MYH4: variants seen among roughly 807,000 people sequenced by gnomAD.
MYH4 encodes myosin heavy chain 4.
A neutral mutation model predicts 229.9 loss-of-function variants in MYH4; 200 were observed. The observed-to-expected ratio is 0.87, with a 90% CI of 0.78 to 0.98. MYH4 has a LOEUF of 0.98. Ranked by LOEUF, MYH4 falls within the 50% of genes least tolerant of loss-of-function variation. The pLI, the probability that MYH4 is intolerant of heterozygous loss-of-function variation, is 0.00. For synonymous variants in MYH4, 761 were observed against 834.6 expected (o/e 0.91, Z 1.52); for missense variants, 2,148 against 2,332.6 (o/e 0.92, Z 1.63).
At position 10,454,631 on chromosome 17, in the gene MYH4, G is replaced by T. The variant is rs371955336; in HGVS notation, c.2615C>A (p.Ala872Glu). 14 of 1,613,564 alleles carry T rather than the reference G, an allele frequency of 8.7e-6. No individual in the cohort carries two copies. The highest frequency in any genetic ancestry group is 6.7e-5 in the East Asian group (3 of 44,886). ...KTKEELAKTE[A>E]KRKELEEKMV... ...CTTTTCTTCTAGTTCTTTCCTTTTT[G>T]CCTCTGTCTTAGCCAGCTCTTCTTT... The change falls in exon 22 of 40, where the codon GCA becomes GAA. Residue 872 changes from alanine to glutamate, a missense_variant. By Grantham distance (107) the Ala-to-Glu change is moderately radical. Coordinates refer to ENST00000255381, the MANE Select transcript of MYH4 (RefSeq NM_017533.2).
chr17:10,450,993 GA>G, intron 28 of MYH4, 98 bp from the exon 29 acceptor site: 2 of 1,052,786 alleles, frequency 1.9e-6, no homozygotes, highest in Non-Finnish European at 2.8e-6. Context: ...TTCATATGAT[GA>G]AAAAACCCCT....
rs1312084421 is a variant in MYH4 at position 10,454,781 on chromosome 17, A to T, written c.2465T>A (p.Ile822Asn). ...RESIFCIQYN[I>N]RAFMNVKHWP... ...GTGCTTCACATTCATGAAAGCACGG[A>T]TGTTGTACTGAATGCAGAAGATGGA... Residue 822 changes from isoleucine to asparagine, a missense_variant, in exon 22 of 40, where the codon ATC becomes AAC. Coordinates refer to ENST00000255381, the MANE Select transcript of MYH4 (RefSeq NM_017533.2). The T allele has an allele frequency of 3.7e-6, 6 of 1,614,204 alleles. No homozygotes were observed. Among genetic ancestry groups the T allele is most frequent in the Non-Finnish European group, 5.1e-6 (6 of 1,180,028 alleles).
In MYH4 at chr17:10,447,218, T is replaced by C. The variant is rs548261694; in HGVS notation, c.4966-2A>G. The stretch of plus-strand genomic sequence containing the variant: ...ATCATCCAAATGTAGCTGAGTGTCC[T>C]ACACAGAAAGAGAAAAAGCCTCTTA... On this transcript the variant is annotated splice_acceptor_variant, in intron 34 of 39. Coordinates refer to ENST00000255381, the MANE Select transcript of MYH4 (RefSeq NM_017533.2). LOFTEE classifies it high-confidence loss of function. The C allele has an allele frequency of 1.2e-5, 20 of 1,613,728 alleles. No individual in the cohort carries two copies. Among genetic ancestry groups the C allele is most frequent in the Middle Eastern group, 1.7e-4 (1 of 6,056 alleles).
chr17:10,461,692 GA>G (rs146605747), intron 11 of MYH4, among the ~76,000 whole-genome samples: 2,432 of 152,178 alleles, frequency 0.016, 82 homozygotes, highest in African/African-American at 0.056. Context: ...AGACATTTAT[GA>G]AAAGAAGGAA....
chr17:10,461,381 C>CT (rs749649197), intron 11 of MYH4, among the ~76,000 whole-genome samples: 23 of 152,186 alleles, frequency 1.5e-4, no homozygotes, highest in Non-Finnish European at 2.5e-4. Context: ...CCCAGCCCCC[C>CT]TTTGCTTCTC....
chr17:10,444,547 C>G, intron 39 of MYH4, 57 bp downstream of exon 39: 1 of 1,357,618 alleles, frequency 7.4e-7, no homozygotes, highest in East Asian at 2.3e-5. Flanking sequence ...AAACTTTAGG[C>G]CCCAAAAAAC....
chr17:10,455,879 G>C lies in MYH4; in HGVS notation c.1991C>G (p.Thr664Ser). The C allele has an allele frequency of 6.2e-7, 1 of 1,614,174 alleles. No individual in the cohort carries two copies. The highest frequency in any genetic ancestry group is 8.5e-7 in the Non-Finnish European group (1 of 1,180,020). Residue 664 changes from threonine (T) to serine (S), a missense_variant, in exon 18 of 40, where the codon ACC becomes AGC. Thr to Ser is a moderately conservative substitution (Grantham distance 58). Coordinates refer to ENST00000255381, the MANE Select transcript of MYH4 (RefSeq NM_017533.2). The stretch of plus-strand genomic sequence containing the variant: ...GTGGGGGTGAGTGCTCCTCAAGTTG[G>C]TCATCAGCTTATTCAAATTCTCCTG... Reference protein sequence around the residue: ...LFRENLNKLMTNLRSTHPHFV... With the variant: ...LFRENLNKLMSNLRSTHPHFV...
intron 4 of MYH4, among the ~76,000 whole-genome samples, 172 bp from the exon 5 acceptor site, chr17:10,465,770 CT>C (rs957442606): frequency 0.013 from 1,321 of 97,960 alleles, 5 homozygotes; most frequent in African/African-American, 0.034. Flanking sequence ...TTCAGTTTTT[CT>C]TTTTTTTTTT....
intron 17 of MYH4, 108 bp from the exon 18 acceptor site, chr17:10,456,009 AAAAC>A: frequency 7.4e-7 from 1 of 1,346,246 alleles, no homozygotes; most frequent in East Asian, 2.3e-5. Context: ...GTCTCAAGGA[AAAAC>A]AAATTATCAT....
rs187295127 is a variant in MYH4, at chr17:10,445,274, C to A, written c.5258G>T (p.Arg1753Leu). 350 of 1,614,176 alleles carry A rather than the reference C, an allele frequency of 2.2e-4. No homozygotes were observed. The highest frequency in any genetic ancestry group is 2.8e-4 in the Non-Finnish European group (333 of 1,180,032). Reference protein sequence around the residue: ...GEMEDIVQEARNAEEKAKKAI... With the variant: ...GEMEDIVQEALNAEEKAKKAI... ...CTTCTTGGCCTTCTCCTCTGCATTG[C>A]GGGCTTCCTGGACGATGTCCTCCAT... The change falls in exon 36 of 40, where the codon CGC (arginine) becomes CTC (leucine). Residue 1753 changes from arginine (R) to leucine (L), a missense_variant. Arg to Leu is a moderately radical substitution (Grantham distance 102, BLOSUM62 -2). Coordinates refer to ENST00000255381, the MANE Select transcript of MYH4 (RefSeq NM_017533.2).
In MYH4 at chr17:10,448,716, G is replaced by A. The variant is rs768165008; in HGVS notation, c.4433C>T (p.Ser1478Leu). 9.9e-6 allele frequency: 16 copies of A among 1,613,986 alleles called. No individual in the cohort carries two copies. Among genetic ancestry groups the A allele is most frequent in the East Asian group, 2.2e-5 (1 of 44,900 alleles). Reference sequence around the variant, plus strand: ...GAACAGCTCAGTGCTGAGAGAACGCGACTCCTTCTGGGAGGCCTCAAGTTC... The same window carrying A: ...GAACAGCTCAGTGCTGAGAGAACGCAACTCCTTCTGGGAGGCCTCAAGTTC... ...QAELEASQKE[S>L]RSLSTELFKV... is the part of the protein sequence containing the mutation. The change falls in exon 32 of 40, where the codon TCG becomes TTG. Residue 1478 changes from serine to leucine, a missense_variant. Physicochemically the swap from Ser to Leu is moderately radical, Grantham distance 145. Transcript: ENST00000255381.
rs771066883 is a variant in MYH4, at chr17:10,466,313, A to G, written c.308T>C (p.Leu103Pro). 1 of 1,614,084 alleles carries G rather than the reference A, an allele frequency of 6.2e-7. No homozygotes were observed. Among genetic ancestry groups the G allele is most frequent in the African/African-American group, 1.3e-5 (1 of 74,936 alleles). The change falls in exon 4 of 40, where the codon CTG becomes CCG. Residue 103 changes from leucine to proline, a missense_variant. Leu to Pro is a moderately conservative substitution (Grantham distance 98, BLOSUM62 -3). Transcript: ENST00000255381. ...TGCGTAACGCTCTTTGAGGTTATACAGCACAGCAGGCTCATGCAGGTGAGT... is the reference window on the plus strand; with the variant it reads ...TGCGTAACGCTCTTTGAGGTTATACGGCACAGCAGGCTCATGCAGGTGAGT... ...MMTHLHEPAV[L>P]YNLKERYAAW...
At chr17:10,452,642 AT>A (rs1440896409) in intron 25 of MYH4, 136 bp from the exon 26 acceptor site, 1 of 1,209,360 alleles carries the variant, frequency 8.3e-7, no homozygotes, top group Non-Finnish European at 1.1e-6. Context: ...TAATAATTGT[AT>A]TAGTTTAATT....
Position 10,448,002 on chromosome 17 carries a change from T to G in MYH4, c.4781A>C (p.His1594Pro). Reference sequence around the variant, plus strand: ...CTGCATTGACTCCACAACTCTGAGATGGTTCCTCTTTAGCTGATCGAGTTC... The same window carrying G: ...CTGCATTGACTCCACAACTCTGAGAGGGTTCCTCTTTAGCTGATCGAGTTC... ...DEELDQLKRN[H>P]LRVVESMQST... Residue 1594 changes from histidine (H) to proline (P), a missense_variant, in exon 34 of 40, where the codon CAT (histidine) becomes CCT (proline). His to Pro is a moderately conservative substitution (Grantham distance 77). Transcript: ENST00000255381. 1 of 1,614,114 alleles carries G rather than the reference T, an allele frequency of 6.2e-7. No individual in the cohort carries two copies. The highest frequency in any genetic ancestry group is 1.1e-5 in the South Asian group (1 of 91,090).
In MYH4 at chr17:10,463,550, C is replaced by G; in HGVS notation, c.741+1G>C. On this transcript the variant is annotated splice_donor_variant, in intron 8 of 39. Coordinates refer to ENST00000255381, the MANE Select transcript of MYH4 (RefSeq NM_017533.2). LOFTEE classifies it high-confidence loss of function. ...AAGAAAATGAAGATCAAGAGACTTA[C>G]AAAGCGAGAGGAGTTGTCATTCCTC... 5 of 1,610,948 alleles carry G rather than the reference C, an allele frequency of 3.1e-6. No individual in the cohort carries two copies. The highest frequency in any genetic ancestry group is 4.2e-6 in the Non-Finnish European group (5 of 1,177,154).
Position 10,448,410 on chromosome 17 carries a change from G to A in MYH4, c.4642C>T (p.Leu1548=). ...DHEKSELQTS[L]EEAEASLEHE... ...GAAAAATGTACCTCTGCTTCCTCTA[G>A]GGAAGTCTGTAGTTCACTCTTCTCA... The change falls in exon 33 of 40, where the codon CTA becomes TTA. Residue 1548 remains leucine (L), a synonymous_variant. Transcript: ENST00000255381. The A allele has an allele frequency of 6.2e-7, 1 of 1,612,766 alleles. No homozygotes were observed. Among genetic ancestry groups the A allele is most frequent in the Non-Finnish European group, 8.5e-7 (1 of 1,179,660 alleles).
chr17:10,449,033 TG>T lies in MYH4; in HGVS notation c.4195del (p.Gln1399SerfsTer10), dbSNP rs771636574. 1 of 1,614,046 alleles carries T rather than the reference TG, an allele frequency of 6.2e-7. No individual in the cohort carries two copies. On this transcript the variant is annotated frameshift_variant, in exon 31 of 40. Transcript: ENST00000255381. LOFTEE classifies it high-confidence loss of function. ...ELEEAKKKLA[Q>X]RLQDAEEHVE... ...ATGTTCTTCTGCATCCTGCAGACGC[TG>T]GGCTAGCTTCTTCCTGAAAATTGGG...
At position 10,455,282 on chromosome 17, in the gene MYH4, T is replaced by G; in HGVS notation, c.2188A>C (p.Asn730His). The G allele has an allele frequency of 6.2e-7, 1 of 1,613,472 alleles. No homozygotes were observed. Among genetic ancestry groups the G allele is most frequent in the Non-Finnish European group, 8.5e-7 (1 of 1,179,754 alleles). ...ADFKQRYKVL[N>H]ASAIPEGQFI... ...TGACCCTCTGGGATAGCACTCGCAT[T>G]TAGAACCTTGTATCTGTCAGAATAA... Residue 730 changes from asparagine (N) to histidine (H), a missense_variant, in exon 20 of 40, where the codon AAT becomes CAT. Coordinates refer to ENST00000255381, the MANE Select transcript of MYH4 (RefSeq NM_017533.2).
intron 1 of MYH4, 79 bp from the exon 2 acceptor site, chr17:10,469,415 C>T (rs1055869210): frequency 2.6e-5 from 4 of 152,090 alleles, no homozygotes; most frequent in Admixed American, 6.5e-5. Context: ...ATATTGTCTA[C>T]AATGTCGTCC....
Sources: allele counts gnomAD v4.1 joint callset (sites outside exome capture counted in the v4.1 genomes callset), GRCh38; gene constraint gnomAD v4.1.1; transcripts MANE v1.5; gene names NCBI Gene and HGNC (gene_info 2026-07-23, HGNC 2026-07-21).